SUSD1: variants seen among roughly 807,000 people sequenced by gnomAD.
SUSD1 encodes sushi domain containing 1.
SUSD1 carries 65 observed loss-of-function variants against 86.9 expected under a neutral mutation model. The ratio of observed to expected loss-of-function variants is 0.75; its 90% CI spans 0.61 to 0.92. SUSD1 has a LOEUF of 0.92. Among genes scored for constraint, SUSD1 ranks in the 40% least tolerant of loss-of-function variants. The probability of loss-of-function intolerance (pLI) is 0.00; values close to 1 mark genes in which losing one functional copy is unlikely to be tolerated. For missense variants in SUSD1, 850 were observed against 929.7 expected, an observed-to-expected ratio of 0.91 and a Z score of 1.11; for synonymous variants, 346 against 350.0, an observed-to-expected ratio of 0.99 and a Z score of 0.13.
At chr9:112,093,822 A>G (rs1830294230) in intron 10 of SUSD1, among the ~76,000 whole-genome samples, 1 of 152,230 alleles carries the variant, frequency 6.6e-6, no homozygotes, top group Admixed American at 6.5e-5. Flanking sequence ...GGAATTCAGG[A>G]ACAGATGAGG....
chr9:112,116,728 T>C (rs1831340599), intron 6 of SUSD1, among the ~76,000 whole-genome samples: 1 of 152,038 alleles, frequency 6.6e-6, no homozygotes, highest in Admixed American at 6.5e-5. Flanking sequence ...GGCAGAACAC[T>C]GGGAAACACT....
intron 15 of SUSD1, among the ~76,000 whole-genome samples, chr9:112,050,853 T>G (rs1828158975): frequency 6.6e-6 from 1 of 152,220 alleles, no homozygotes; most frequent in Non-Finnish European, 1.5e-5. Context: ...CAAAGACCTG[T>G]GATTGCTCAA....
At chr9:112,115,800 C>T (rs1345674362) in intron 6 of SUSD1, among the ~76,000 whole-genome samples, 2 of 1,818 alleles carry the variant, frequency 1.1e-3, no homozygotes, top group East Asian at 0.019. Context: ...CAGAATGAGA[C>T]TCCATTGCAA....
chr9:112,132,946 C>G (rs1480367094), intron 5 of SUSD1, among the ~76,000 whole-genome samples: 1 of 152,108 alleles, frequency 6.6e-6, no homozygotes, highest in East Asian at 1.9e-4. Context: ...TCTAATGTCT[C>G]AATATCTAGC....
At chr9:112,127,788 G>C (rs1207980489) in intron 5 of SUSD1, among the ~76,000 whole-genome samples, 2 of 152,176 alleles carry the variant, frequency 1.3e-5, no homozygotes, top group East Asian at 3.8e-4. Flanking sequence ...TTAAGTGATA[G>C]GATGGGGAAA....
intron 1 of SUSD1, among the ~76,000 whole-genome samples, chr9:112,163,296 C>T (rs1833646234): frequency 6.6e-6 from 1 of 152,006 alleles, no homozygotes; most frequent in South Asian, 2.1e-4. Flanking sequence ...GTTAGGACAA[C>T]AGGCACATCC....
chr9:112,046,391 G>C (rs1827957226), intron 15 of SUSD1, among the ~76,000 whole-genome samples: 1 of 152,144 alleles, frequency 6.6e-6, no homozygotes, highest in Non-Finnish European at 1.5e-5. Context: ...TCACTCATGT[G>C]TTATATCCCA....
chr9:112,148,890 A>T (rs535907920), intron 3 of SUSD1, among the ~76,000 whole-genome samples: 4 of 149,076 alleles, frequency 2.7e-5, no homozygotes, highest in African/African-American at 9.8e-5. Context: ...TGGGCAACAG[A>T]GTGAGACCCC....
chr9:112,054,364 C>T (rs993392643), intron 14 of SUSD1, among the ~76,000 whole-genome samples: 4 of 152,084 alleles, frequency 2.6e-5, no homozygotes, highest in African/African-American at 7.2e-5. Context: ...ATAGGAGAAG[C>T]GCTTAAGCCC....
chr9:112,149,486 G>A (rs1832954092), intron 2 of SUSD1, 87 bp from the exon 3 acceptor site: 9 of 1,463,584 alleles, frequency 6.1e-6, no homozygotes, highest in African/African-American at 2.8e-5. Flanking sequence ...CTATGGACTC[G>A]GGAACCAACG....
At chr9:112,123,847 G>A (rs1564315607) in intron 6 of SUSD1, among the ~76,000 whole-genome samples, 1 of 152,042 alleles carries the variant, frequency 6.6e-6, no homozygotes, top group South Asian at 2.1e-4. Flanking sequence ...TAAATTGTAT[G>A]TTTTTTGTGT....
intron 5 of SUSD1, among the ~76,000 whole-genome samples, chr9:112,131,523 G>A (rs1832033570): frequency 6.6e-6 from 1 of 152,120 alleles, no homozygotes; most frequent in Non-Finnish European, 1.5e-5. Context: ...GATATTCCCA[G>A]CTACTGCCAC....
chr9:112,067,474 C>T (rs1389448496), intron 12 of SUSD1, among the ~76,000 whole-genome samples: 1 of 152,250 alleles, frequency 6.6e-6, no homozygotes, highest in African/African-American at 2.4e-5. Context: ...CTATAGAATG[C>T]ATCCAGCGCC....
At position 112,041,411 on chromosome 9, in the gene SUSD1, G is replaced by A. The variant is rs1012084594; in HGVS notation, c.*81C>T. The A allele has an allele frequency of 7.7e-6, 6 of 779,492 alleles. No individual in the cohort carries two copies. Among genetic ancestry groups the A allele is most frequent in the Admixed American group, 5.1e-5 (3 of 58,922 alleles). 48.3% of individuals were successfully genotyped at this position (779,492 alleles called of 1,614,324 possible). A position where few individuals can be genotyped will look rare whatever the true frequency, so the allele number is the denominator to read the frequency against. On this transcript the variant is annotated 3_prime_UTR_variant, in exon 17 of 17. Coordinates refer to ENST00000374270, the MANE Select transcript of SUSD1 (RefSeq NM_022486.5). ...GCTCCCTGGACGGAAGTCACACGGA[G>A]CCTCTGTGCGGGCACCTGAGAAGCT...
At chr9:112,173,018 T>A (rs1258555272) in intron 1 of SUSD1, among the ~76,000 whole-genome samples, 2 of 152,236 alleles carry the variant, frequency 1.3e-5, no homozygotes, top group African/African-American at 4.8e-5. Context: ...ACAGATGACC[T>A]TACGTAGCTA....
chr9:112,068,404 G>A (rs1829087338), intron 12 of SUSD1, among the ~76,000 whole-genome samples: 1 of 152,170 alleles, frequency 6.6e-6, no homozygotes, highest in African/African-American at 2.4e-5. Flanking sequence ...GAAGTAATAA[G>A]AAGCCATTGA....
At chr9:112,088,691 C>G (rs544122666) in intron 10 of SUSD1, among the ~76,000 whole-genome samples, 1 of 152,198 alleles carries the variant, frequency 6.6e-6, no homozygotes, top group Non-Finnish European at 1.5e-5. Flanking sequence ...ATTTGGGAGG[C>G]TGAGGTCGGA....
chr9:112,138,464 T>TC (rs1304872434), intron 5 of SUSD1, among the ~76,000 whole-genome samples: 1 of 133,214 alleles, frequency 7.5e-6, no homozygotes, highest in Non-Finnish European at 1.6e-5. Context: ...ATAAATATTC[T>TC]TTTTTTTTTT....
intron 12 of SUSD1, among the ~76,000 whole-genome samples, chr9:112,068,012 T>C (rs1413870505): frequency 6.6e-6 from 1 of 152,232 alleles, no homozygotes; most frequent in Non-Finnish European, 1.5e-5. Flanking sequence ...ATTATTCATA[T>C]ATCTGCATTC....
Sources: gnomAD v4.1 joint callset for allele counts (sites outside exome capture counted in the v4.1 genomes callset) on GRCh38, gnomAD v4.1.1 for gene constraint, MANE v1.5 for transcripts, NCBI Gene and HGNC (gene_info 2026-07-23, HGNC 2026-07-21) for gene names.